The following OLFML2A variants were observed in gnomAD, a reference collection of about 807,000 sequenced individuals.
OLFML2A encodes olfactomedin-like protein 2A.
In OLFML2A, 47 loss-of-function variants were observed where a neutral mutation model predicts 60.9. The observed-to-expected ratio is 0.77, with a 90% CI of 0.61 to 0.98. The LOEUF (loss-of-function observed/expected upper bound fraction) is 0.98, where lower values mean the gene tolerates loss of function less well. Ranked by LOEUF, OLFML2A falls within the 50% of genes least tolerant of loss-of-function variation. The probability of loss-of-function intolerance (pLI) is 0.00; values close to 1 mark genes in which losing one functional copy is unlikely to be tolerated. For missense variants in OLFML2A, 922 were observed against 879.8 expected, an observed-to-expected ratio of 1.05 and a Z score of -0.61; for synonymous variants, 372 against 375.0, an observed-to-expected ratio of 0.99 and a Z score of 0.09.
In OLFML2A at chr9:124,810,509, G is replaced by C; in HGVS notation, c.*97G>C. On this transcript the variant is annotated 3_prime_UTR_variant, in exon 8 of 8. Coordinates refer to ENST00000373580, the MANE Select transcript of OLFML2A (RefSeq NM_182487.4). ...CCCAGTCCGCAAATATTTATTGGGG[G>C]CCAGCCCAGGGCTGGGACTGGGCAT... is the stretch of plus-strand genomic sequence containing the variant. 1 of 1,277,962 alleles carries C rather than the reference G, an allele frequency of 7.8e-7. No homozygotes were observed. The highest frequency in any genetic ancestry group is 1.5e-5 in the South Asian group (1 of 66,736). 79.2% of individuals were successfully genotyped at this position (1,277,962 alleles called of 1,614,324 possible).
chr9:124,796,863 C>T (rs1841679322), intron 3 of OLFML2A, among the ~76,000 whole-genome samples: 2 of 152,120 alleles, frequency 1.3e-5, no homozygotes, highest in Non-Finnish European at 1.5e-5. Flanking sequence ...GGTTAGAGGC[C>T]AGAGATTTGG....
At position 124,787,226 on chromosome 9, in the gene OLFML2A, C is replaced by G. The variant is rs748419091; in HGVS notation, c.342C>G (p.Pro114=). The change falls in exon 2 of 8, where the codon CCC becomes CCG. Residue 114 remains proline, a synonymous_variant. Coordinates refer to ENST00000373580, the MANE Select transcript of OLFML2A (RefSeq NM_182487.4). ...TGGAGAAACTCAAAAAGCAGGCGCC[C>G]GAGCTCCTCAAGGTAGACTTGGTGG... ...WKMEKLKKQA[P]ELLKLQSMVD... is the part of the protein sequence containing the mutation. The G allele has an allele frequency of 2.5e-6, 4 of 1,613,854 alleles. No homozygotes were observed. Among genetic ancestry groups the G allele is most frequent in the Admixed American group, 3.3e-5 (2 of 59,998 alleles).
chr9:124,808,002 A>G, intron 7 of OLFML2A, 36 bp downstream of exon 7: 2 of 1,553,874 alleles, frequency 1.3e-6, no homozygotes, highest in East Asian at 4.5e-5. Flanking sequence ...GGGGCTGGGT[A>G]TGGACAACCT....
chr9:124,796,904 C>T (rs534923704), intron 3 of OLFML2A, among the ~76,000 whole-genome samples: 46 of 152,324 alleles, frequency 3.0e-4, no homozygotes, highest in Admixed American at 1.6e-3. Flanking sequence ...AGGACAGTCC[C>T]CAAAAGCAAA....
At position 124,777,524 on chromosome 9, in the gene OLFML2A, G is replaced by A. The variant is rs1286180130; in HGVS notation, c.90+164G>A. Among the ~76,000 whole-genome samples, 1 of 152,190 alleles carries A rather than the reference G, an allele frequency of 6.6e-6. No individual in the cohort carries two copies. The highest frequency in any genetic ancestry group is 1.5e-5 in the Non-Finnish European group (1 of 68,028). On this transcript the variant is annotated intron_variant, in intron 1 of 7. Coordinates refer to ENST00000373580, the MANE Select transcript of OLFML2A (RefSeq NM_182487.4). The surrounding 1 kb of genome is among the most constrained non-coding windows in gnomAD (Gnocchi z 6.2). The stretch of plus-strand genomic sequence containing the variant: ...CAGCACTGAAGCCGCAGGGGCAGGG[G>A]CCCCGAGAGAGGGGCGCGTGGAGGA...
chr9:124,781,184 G>A (rs1361863018), intron 1 of OLFML2A, among the ~76,000 whole-genome samples: 3 of 152,188 alleles, frequency 2.0e-5, no homozygotes, highest in African/African-American at 4.8e-5. Context: ...AATATGGCCC[G>A]AACTAGGGCT....
In OLFML2A at chr9:124,784,943, GTTTTTTTTTTTTT is replaced by G. The variant is rs750733365; in HGVS notation, c.91-2016_91-2004del. Among the ~76,000 whole-genome samples, 13 of 69,594 alleles carry G rather than the reference GTTTTTTTTTTTTT, an allele frequency of 1.9e-4. 1 individual carries two copies. The highest frequency in any genetic ancestry group is 7.1e-4 in the African/African-American group (11 of 15,454). The allele number at this position is 69,594 out of a possible 152,430, so 45.7% of individuals were successfully genotyped here. Reference sequence around the variant, plus strand: ...AATCAGTACTGCATTCCTTTTACTTGTTTTTTTTTTTTTTTTTTTTTTTTTTTTGAGACGGAGT... The same window carrying G: ...AATCAGTACTGCATTCCTTTTACTTGTTTTTTTTTTTTTTTGAGACGGAGT... On this transcript the variant is annotated intron_variant, in intron 1 of 7. Transcript: ENST00000373580.
intron 1 of OLFML2A, among the ~76,000 whole-genome samples, chr9:124,784,370 A>G (rs560946834): frequency 6.6e-6 from 1 of 151,820 alleles, no homozygotes; most frequent in South Asian, 2.1e-4. Context: ...CACCCGGCTA[A>G]TTTCTGTATT....
chr9:124,813,765 A>T lies in OLFML2A; in HGVS notation c.*3353A>T, dbSNP rs1842065321. The T allele has an allele frequency of 6.6e-6, 1 of 152,156 alleles. No individual in the cohort carries two copies. The highest frequency in any genetic ancestry group is 1.5e-5 in the Non-Finnish European group (1 of 68,022). 9.4% of individuals were successfully genotyped at this position (152,156 alleles called of 1,614,324 possible). A position where few individuals can be genotyped will look rare whatever the true frequency, so the allele number is the denominator to read the frequency against. ...ACAGTTGGATGTTGTCCTGTTGGTG[A>T]GGAAGGGAAAGGTTTTTCTTGTAGG... On this transcript the variant is annotated 3_prime_UTR_variant, in exon 8 of 8. Coordinates refer to ENST00000373580, the MANE Select transcript of OLFML2A (RefSeq NM_182487.4).
rs1344899783 is a variant in OLFML2A, at chr9:124,809,926, A to ACGGCAG, written c.1476_1481dup (p.Gln493_Arg494dup). ...CCAAGAACATCATCAAGTACGACCT[A>ACGGCAG]CGGCAGCGCTTCGTGGCCTCCTGGG... On this transcript the variant is annotated inframe_insertion, in exon 8 of 8. Coordinates refer to ENST00000373580, the MANE Select transcript of OLFML2A (RefSeq NM_182487.4). The ACGGCAG allele has an allele frequency of 2.5e-6, 4 of 1,614,026 alleles. No homozygotes were observed. The highest frequency in any genetic ancestry group is 1.7e-5 in the Admixed American group (1 of 59,996).
At chr9:124,785,692 G>C (rs920691665) in intron 1 of OLFML2A, among the ~76,000 whole-genome samples, 1 of 152,026 alleles carries the variant, frequency 6.6e-6, no homozygotes, top group African/African-American at 2.4e-5. Context: ...GAGCCACCGC[G>C]CCCGGCCTTT....
chr9:124,790,445 G>C (rs1265250085), intron 2 of OLFML2A, among the ~76,000 whole-genome samples: 1 of 152,126 alleles, frequency 6.6e-6, no homozygotes, highest in Non-Finnish European at 1.5e-5. Context: ...AATATGCTGG[G>C]ATTACAGGCA....
intron 7 of OLFML2A, among the ~76,000 whole-genome samples, chr9:124,808,302 G>A (rs759624768): frequency 1.3e-4 from 20 of 152,180 alleles, no homozygotes; most frequent in Non-Finnish European, 2.1e-4. Flanking sequence ...TGCTGATCTC[G>A]CCCCCCGTGT....
chr9:124,797,002 G>A (rs937288816), intron 3 of OLFML2A, among the ~76,000 whole-genome samples: 3 of 152,094 alleles, frequency 2.0e-5, no homozygotes, highest in African/African-American at 4.8e-5. Context: ...CTAGTTTTTT[G>A]ATTGTTTGTT....
intron 6 of OLFML2A, among the ~76,000 whole-genome samples, chr9:124,806,217 T>A (rs1027224276): frequency 6.6e-6 from 1 of 152,118 alleles, no homozygotes; most frequent in Non-Finnish European, 1.5e-5. Context: ...AAGAAAAAAA[T>A]TTAAATTTTT....
intron 1 of OLFML2A, among the ~76,000 whole-genome samples, chr9:124,783,014 G>T (rs1344868569): frequency 6.6e-6 from 1 of 151,994 alleles, no homozygotes; most frequent in African/African-American, 2.4e-5. Flanking sequence ...TAACTCTGAG[G>T]AATGTACAGG....
At chr9:124,809,692 C>A in intron 7 of OLFML2A, 116 bp from the exon 8 acceptor site, 4 of 1,216,774 alleles carry the variant, frequency 3.3e-6, no homozygotes, top group South Asian at 3.0e-5. Context: ...AGGCACACTG[C>A]ACATGCTTGG....
At chr9:124,805,790 G>GTTT (rs985570074) in intron 6 of OLFML2A, among the ~76,000 whole-genome samples, 1 of 116,486 alleles carries the variant, frequency 8.6e-6, no homozygotes, top group Admixed American at 8.5e-5. Context: ...TATTGTTGTT[G>GTTT]TTGTTTTGGT....
At chr9:124,778,401 A>G (rs1161580035) in intron 1 of OLFML2A, among the ~76,000 whole-genome samples, 1 of 150,798 alleles carries the variant, frequency 6.6e-6, no homozygotes, top group East Asian at 2.0e-4. Context: ...GCACCAGAGC[A>G]CTTGGGGTGT....
Sources: allele counts gnomAD v4.1 joint callset (sites outside exome capture counted in the v4.1 genomes callset), GRCh38; gene constraint gnomAD v4.1.1; non-coding constraint Gnocchi (gnomAD v3.1); transcripts MANE v1.5; gene names NCBI Gene and HGNC (gene_info 2026-07-23, HGNC 2026-07-21).